TCF20: variants seen among roughly 807,000 people sequenced by gnomAD.
TCF20 encodes the protein transcription factor 20, also known as SPRE-binding protein.
In TCF20, 3 loss-of-function variants were observed where a neutral mutation model predicts 148.6. That is an observed-to-expected ratio of 0.02 (90% CI 0.01 to 0.05). The LOEUF (loss-of-function observed/expected upper bound fraction) is 0.05, where lower values mean the gene tolerates loss of function less well. Among genes scored for constraint, TCF20 ranks in the 10% least tolerant of loss-of-function variants. The pLI, the probability that TCF20 is intolerant of heterozygous loss-of-function variation, is 1.00. For missense variants in TCF20, 2,350 were observed against 2,429.3 expected, an observed-to-expected ratio of 0.97 and a Z score of 0.69; for synonymous variants, 1,049 against 909.5, an observed-to-expected ratio of 1.15 and a Z score of -2.76.
intron 1 of TCF20, among the ~76,000 whole-genome samples, chr22:42,308,968 G>C (rs1207556793): frequency 3.3e-5 from 5 of 152,168 alleles, no homozygotes; most frequent in Non-Finnish European, 7.4e-5. Flanking sequence ...CCTGAGGGTA[G>C]AGCTTACTGA....
chr22:42,207,875 AACAG>A (rs1305386521), intron 2 of TCF20, among the ~76,000 whole-genome samples: 7 of 152,110 alleles, frequency 4.6e-5, no homozygotes, highest in African/African-American at 1.7e-4. Context: ...GAAAATAGGA[AACAG>A]ACAAAGATTT....
rs564289744 is a variant in TCF20, at chr22:42,168,589, G to A, written c.*44+20C>T. On this transcript the variant is annotated intron_variant, in intron 5 of 5. Coordinates refer to ENST00000677622, the MANE Select transcript of TCF20 (RefSeq NM_001378418.1). The stretch of plus-strand genomic sequence containing the variant: ...CTGGGAGCCGGGCAGGATGCAGGGA[G>A]CCCGGTGGCCCCGACTCACCTGTGC... The A allele has an allele frequency of 1.4e-5, 22 of 1,546,390 alleles. No individual in the cohort carries two copies. The East Asian group carries it at 5.1e-4, about 36-fold the overall frequency.
chr22:42,207,378 G>A (rs912748875), intron 2 of TCF20, among the ~76,000 whole-genome samples: 1 of 151,472 alleles, frequency 6.6e-6, no homozygotes, highest in Admixed American at 6.6e-5. Flanking sequence ...TTTTTCCTCT[G>A]GGAAAACTCA....
upstream of TCF20, among the ~76,000 whole-genome samples, chr22:42,271,459 T>TG (rs1926618179): frequency 6.6e-6 from 1 of 152,242 alleles, no homozygotes; most frequent in Admixed American, 6.5e-5. Flanking sequence ...GCAAACCTGA[T>TG]GTTTCTAAAG....
At chr22:42,217,807 GACTTCAGAAAGT>G (rs1921960903) in intron 1 of TCF20, among the ~76,000 whole-genome samples, 1 of 152,220 alleles carries the variant, frequency 6.6e-6, no homozygotes, top group Admixed American at 6.5e-5. Context: ...ACTGAGGAAA[GACTTCAGAAAGT>G]AAATATTGAT....
rs1408031933 is a variant in TCF20 at position 42,297,626 on chromosome 22, T to G, written c.-37+45853A>C. ...GCCTCGAGCTCAGCCCCCAGGAGCT[T>G]CCCCTTCATAACCTCTTCTCCCAAC... On this transcript the variant is annotated intron_variant, in intron 1 of 1. Coordinates refer to the TCF20 transcript ENST00000515426. The surrounding 1 kb of genome is among the most constrained non-coding windows in gnomAD (Gnocchi z 4.3). 6.6e-6 allele frequency among the ~76,000 whole-genome samples: 1 copy of G among 152,128 alleles called. No individual in the cohort carries two copies. The highest frequency in any genetic ancestry group is 1.5e-5 in the Non-Finnish European group (1 of 68,026).
intron 5 of TCF20, among the ~76,000 whole-genome samples, chr22:42,164,793 G>A (rs1355707523): frequency 6.6e-6 from 1 of 152,230 alleles, no homozygotes; most frequent in Non-Finnish European, 1.5e-5. Flanking sequence ...TGAGACCCAG[G>A]AGATGGGAGC....
At chr22:42,323,943 G>GGTGGAGGTT (rs1927798498) in intron 1 of TCF20, among the ~76,000 whole-genome samples, 1 of 120,730 alleles carries the variant, frequency 8.3e-6, no homozygotes. Context: ...TGGTGGTGGT[G>GGTGGAGGTT]ATGGAGGTTA....
chr22:42,265,547 A>C (rs1264858455), intron 1 of TCF20, among the ~76,000 whole-genome samples: 1 of 152,212 alleles, frequency 6.6e-6, no homozygotes, highest in Non-Finnish European at 1.5e-5. Context: ...ACTGTCATGT[A>C]CCGTTTTACT....
intron 1 of TCF20, among the ~76,000 whole-genome samples, chr22:42,293,097 G>C (rs1344598937): frequency 6.6e-6 from 1 of 152,118 alleles, no homozygotes; most frequent in African/African-American, 2.4e-5. Context: ...CCCAGGAGGA[G>C]GCCAAGTGTC....
chr22:42,252,707 C>T (rs1925480817), intron 1 of TCF20, among the ~76,000 whole-genome samples: 1 of 152,266 alleles, frequency 6.6e-6, no homozygotes, highest in East Asian at 1.9e-4. Context: ...TCACCTCGGC[C>T]TCCCAAAATG....
chr22:42,237,152 G>A lies in TCF20; in HGVS notation c.-36-21811C>T, dbSNP rs150775823. Among the ~76,000 whole-genome samples the A allele has an allele frequency of 1.1e-3, 168 of 152,202 alleles. 1 individual carries two copies. Among genetic ancestry groups the A allele is most frequent in the African/African-American group, 4.0e-3 (164 of 41,488 alleles). ...TGTTTGATAGCATTTTACCCACAGT[G>A]GAACTTCTTTCAAAACTGCAGTCAG... On this transcript the variant is annotated intron_variant, in intron 1 of 5. Transcript: ENST00000677622.
chr22:42,248,817 C>A (rs1349668072), intron 1 of TCF20, among the ~76,000 whole-genome samples: 1 of 152,140 alleles, frequency 6.6e-6, no homozygotes, highest in African/African-American at 2.4e-5. Context: ...TTGCTATTGT[C>A]ATTATCTGGA....
intron 2 of TCF20, among the ~76,000 whole-genome samples, chr22:42,194,559 GC>G (rs1423526142): frequency 1.3e-5 from 2 of 151,236 alleles, no homozygotes; most frequent in Non-Finnish European, 2.9e-5. Flanking sequence ...CAGTGAGAGG[GC>G]TAAATACTAA....
At chr22:42,228,425 G>A (rs890644641) in intron 1 of TCF20, among the ~76,000 whole-genome samples, 1 of 152,194 alleles carries the variant, frequency 6.6e-6, no homozygotes, top group Non-Finnish European at 1.5e-5. Context: ...TCATTCAACT[G>A]TCACAATAAT....
chr22:42,316,529 C>T (rs1181889586), intron 1 of TCF20, among the ~76,000 whole-genome samples: 2 of 152,188 alleles, frequency 1.3e-5, no homozygotes, highest in African/African-American at 4.8e-5. Flanking sequence ...CCTCCACCTG[C>T]CAGGTTCAAG....
chr22:42,178,155 G>A (rs951049012), intron 3 of TCF20, among the ~76,000 whole-genome samples: 1 of 152,174 alleles, frequency 6.6e-6, no homozygotes, highest in Non-Finnish European at 1.5e-5. Flanking sequence ...GAGCATGGAC[G>A]CTCCATGCCC....
rs150797989 is a variant in TCF20, at chr22:42,327,108, C to T, written c.-37+16371G>A. ...CAACGATGAGGCGAGGGGCTATATC[C>T]CAGCTTGGAGGGGAGGGGGCGGAGG... is the stretch of plus-strand genomic sequence containing the variant. On this transcript the variant is annotated intron_variant, in intron 1 of 1. Transcript: ENST00000515426. Among the ~76,000 whole-genome samples, 905 of 152,312 alleles carry T rather than the reference C, an allele frequency of 5.9e-3. 12 individuals carry two copies. The highest frequency in any genetic ancestry group is 0.021 in the African/African-American group (871 of 41,568).
At chr22:42,168,232 G>C (rs1935906554) in intron 5 of TCF20, among the ~76,000 whole-genome samples, 1 of 152,118 alleles carries the variant, frequency 6.6e-6, no homozygotes, top group Middle Eastern at 3.2e-3. Flanking sequence ...AAAAAGAAGA[G>C]ACCTTTGACT....
Sources: gnomAD v4.1 joint callset for allele counts (sites outside exome capture counted in the v4.1 genomes callset) on GRCh38, gnomAD v4.1.1 for gene constraint, Gnocchi (gnomAD v3.1) non-coding constraint, MANE v1.5 for transcripts, NCBI Gene and HGNC (gene_info 2026-07-23, HGNC 2026-07-21) for gene names.